The following ATF7 variants were observed in gnomAD, a reference collection of about 807,000 sequenced individuals.
ATF7 encodes the protein activating transcription factor 7, also known as cyclic AMP-dependent transcription factor ATF-7.
A neutral mutation model predicts 50.4 loss-of-function variants in ATF7; 10 were observed. That is an observed-to-expected ratio of 0.20 (90% CI 0.12 to 0.34). The LOEUF is 0.34. ATF7 is among the 10% of genes least tolerant of loss of function. The pLI is 1.00. For missense variants in ATF7, 465 were observed against 613.9 expected, an observed-to-expected ratio of 0.76 and a Z score of 2.56; for synonymous variants, 201 against 226.4, an observed-to-expected ratio of 0.89 and a Z score of 1.01.
intron 2 of ATF7, among the ~76,000 whole-genome samples, chr12:53,587,820 CATATATATAT>C (rs1242121330): frequency 6.0e-5 from 4 of 67,032 alleles, no homozygotes; most frequent in African/African-American, 1.2e-4. Context: ...TATACTTCTA[CATATATATAT>C]ATATATATAT....
chr12:53,524,510 C>A lies in ATF7; in HGVS notation c.1125+54G>T. The A allele has an allele frequency of 1.3e-6, 2 of 1,588,910 alleles. No homozygotes were observed. Among genetic ancestry groups the A allele is most frequent in the South Asian group, 1.1e-5 (1 of 89,342 alleles). ...AAATTGTACCACTTTTTTCTGATTC[C>A]ATCCCACTTTCTGGATTTTCAACAA... On this transcript the variant is annotated intron_variant, in intron 10 of 11. Transcript: ENST00000420353. This position sits in a 1 kb window ranked among gnomAD's most constrained non-coding sequence, Gnocchi z 4.6.
chr12:53,579,944 CT>C (rs1246483006), intron 2 of ATF7, among the ~76,000 whole-genome samples: 3 of 151,588 alleles, frequency 2.0e-5, no homozygotes, highest in East Asian at 3.9e-4. Flanking sequence ...AACCCTTTAT[CT>C]TTTTTTTTGA....
chr12:53,577,843 GAAC>G (rs1449291329), intron 2 of ATF7, among the ~76,000 whole-genome samples: 6 of 151,258 alleles, frequency 4.0e-5, no homozygotes, highest in East Asian at 1.9e-4. Flanking sequence ...CACACCATAA[GAAC>G]AATAAGCAGG....
intron 2 of ATF7, chr12:53,574,975 A>T (rs982334452): frequency 4.2e-5 from 9 of 215,068 alleles, no homozygotes; most frequent in Admixed American, 3.3e-4. Context: ...AAAATTAAAG[A>T]AAAGAAAGCT....
chr12:53,574,362 C>T (rs1000645132), intron 2 of ATF7, among the ~76,000 whole-genome samples: 1 of 152,110 alleles, frequency 6.6e-6, no homozygotes, highest in Non-Finnish European at 1.5e-5. Context: ...GGTTTTCATC[C>T]GTATCCTTCA....
intron 1 of ATF7, among the ~76,000 whole-genome samples, chr12:53,619,516 A>T (rs1442467982): frequency 1.3e-5 from 2 of 150,250 alleles, no homozygotes; most frequent in Non-Finnish European, 3.0e-5. Flanking sequence ...AAAAAAAAAG[A>T]AGAGTTTCCA....
chr12:53,530,526 T>A (rs997171263), intron 9 of ATF7, among the ~76,000 whole-genome samples: 2 of 152,080 alleles, frequency 1.3e-5, no homozygotes, highest in Admixed American at 1.3e-4. Context: ...AAAAAGGGAT[T>A]TAATTGGTAA....
chr12:53,545,310 CAGTA>C (rs1192786750), intron 3 of ATF7, among the ~76,000 whole-genome samples: 3 of 152,106 alleles, frequency 2.0e-5, no homozygotes, highest in Non-Finnish European at 4.4e-5. Context: ...CTAAAAAAAT[CAGTA>C]AGTGTTTGTT....
chr12:53,509,795 C>T (rs1044350928), downstream of ATF7, among the ~76,000 whole-genome samples: 6 of 152,088 alleles, frequency 3.9e-5, no homozygotes, highest in Admixed American at 6.5e-5. Flanking sequence ...CGTGAGCCAC[C>T]GCACCTGGCC....
At chr12:53,589,023 T>C (rs1456867871) in intron 2 of ATF7, among the ~76,000 whole-genome samples, 2 of 152,124 alleles carry the variant, frequency 1.3e-5, no homozygotes, top group Admixed American at 1.3e-4. Flanking sequence ...TATAGATCAG[T>C]AATAAACTAT....
At chr12:53,600,152 C>T (rs1943331645) in intron 2 of ATF7, among the ~76,000 whole-genome samples, 1 of 152,074 alleles carries the variant, frequency 6.6e-6, no homozygotes, top group South Asian at 2.1e-4. Context: ...AGATAGGTAT[C>T]TGCTGTAGCT....
chr12:53,606,818 GTTTT>G (rs982646099), intron 1 of ATF7, among the ~76,000 whole-genome samples: 1 of 149,254 alleles, frequency 6.7e-6, no homozygotes, highest in Non-Finnish European at 1.5e-5. Context: ...GCGGTGTTTG[GTTTT>G]TTGTCTTTGC....
rs146908600 is a variant in ATF7, at chr12:53,583,996, T to C, written c.48+16957A>G. ...AGATAATTGTTATTAGTATTATTTT[T>C]TGAGACAGACTCTCACTCTGTCACC... On this transcript the variant is annotated intron_variant, in intron 2 of 11. Coordinates refer to ENST00000420353, the MANE Select transcript of ATF7 (RefSeq NM_006856.3). Among the ~76,000 whole-genome samples the C allele has an allele frequency of 1.6e-3, 238 of 152,328 alleles. 1 individual carries two copies. The highest frequency in any genetic ancestry group is 5.5e-3 in the African/African-American group (228 of 41,574).
Position 53,517,228 on chromosome 12 carries a change from A to T in ATF7, c.1361T>A (p.Leu454His). 1 of 1,614,004 alleles carries T rather than the reference A, an allele frequency of 6.2e-7. No homozygotes were observed. The highest frequency in any genetic ancestry group is 8.5e-7 in the Non-Finnish European group (1 of 1,179,884). ...SAAEAVATSV[L>H]TQMASQRTEL... ...TGTCCTTTGGCTGGCCATCTGAGTGAGGACCGAGGTGGCCACAGCTTCAGC... is the reference window on the plus strand; with the variant it reads ...TGTCCTTTGGCTGGCCATCTGAGTGTGGACCGAGGTGGCCACAGCTTCAGC... Residue 454 changes from leucine (L) to histidine (H), a missense_variant, in exon 12 of 12, where the codon CTC becomes CAC. Transcript: ENST00000420353.
intron 1 of ATF7, among the ~76,000 whole-genome samples, chr12:53,609,254 A>C (rs1943743356): frequency 6.6e-6 from 1 of 151,524 alleles, no homozygotes; most frequent in East Asian, 1.9e-4. Context: ...TTCCAGGTTC[A>C]AGCGATTCTC....
At chr12:53,569,214 A>C (rs1381439569) in intron 2 of ATF7, among the ~76,000 whole-genome samples, 4 of 152,208 alleles carry the variant, frequency 2.6e-5, no homozygotes, top group African/African-American at 7.2e-5. Flanking sequence ...TACACTGCCT[A>C]TCAGTAACAC....
At chr12:53,624,784 G>A (rs1944539425) in intron 1 of ATF7, among the ~76,000 whole-genome samples, 1 of 152,180 alleles carries the variant, frequency 6.6e-6, no homozygotes, top group African/African-American at 2.4e-5. Context: ...GAAATAACAT[G>A]TCTATTTTAT....
chr12:53,593,120 T>C (rs1044669798), intron 2 of ATF7, among the ~76,000 whole-genome samples: 1 of 152,180 alleles, frequency 6.6e-6, no homozygotes, highest in African/African-American at 2.4e-5. Flanking sequence ...TTAAAAGACT[T>C]TGTGCCAGGT....
At chr12:53,555,603 C>T (rs976294164) in intron 2 of ATF7, among the ~76,000 whole-genome samples, 4 of 144,152 alleles carry the variant, frequency 2.8e-5, no homozygotes, top group African/African-American at 7.7e-5. Flanking sequence ...CTCCATCTCC[C>T]GAGTTCAAGT....
Sources: allele counts gnomAD v4.1 joint callset (sites outside exome capture counted in the v4.1 genomes callset), GRCh38; gene constraint gnomAD v4.1.1; non-coding constraint Gnocchi (gnomAD v3.1); transcripts MANE v1.5; gene names NCBI Gene and HGNC (gene_info 2026-07-23, HGNC 2026-07-21).